The following SGCD variants were observed in gnomAD, a reference collection of about 807,000 sequenced individuals.
SGCD encodes sarcoglycan delta, also known as delta-sarcoglycan.
Under a neutral mutation model 36.6 loss-of-function variants are expected in SGCD, and 18 were observed. That is an observed-to-expected ratio of 0.49 (90% confidence interval 0.34 to 0.73). SGCD has a LOEUF of 0.73. Ranked by LOEUF, SGCD falls within the 30% of genes least tolerant of loss-of-function variation. SGCD has a pLI of 0.01. For synonymous variants in SGCD, 133 were observed against 130.6 expected (o/e 1.02, Z -0.12); for missense variants, 387 against 346.7 (o/e 1.12, Z -0.92).
chr5:156,354,059 G>T (rs1769384800), intron 3 of SGCD, among the ~76,000 whole-genome samples: 1 of 152,120 alleles, frequency 6.6e-6, no homozygotes, highest in African/African-American at 2.4e-5. Context: ...AGAAACTAAA[G>T]ATTAGAATAA....
chr5:156,186,447 C>T (rs555120395), intron 3 of SGCD, among the ~76,000 whole-genome samples: 1 of 152,104 alleles, frequency 6.6e-6, no homozygotes, highest in Non-Finnish European at 1.5e-5. Flanking sequence ...CTTCTAAAAC[C>T]ACTTTAGGAC....
chr5:156,500,691 G>C (rs542214687), intron 3 of SGCD, among the ~76,000 whole-genome samples: 4 of 152,062 alleles, frequency 2.6e-5, no homozygotes, highest in Non-Finnish European at 5.9e-5. Context: ...AACGACCAAC[G>C]TTTGCCTTTT....
the SGCD span, among the ~76,000 whole-genome samples, chr5:155,748,381 TTG>T: frequency 6.6e-6 from 1 of 152,132 alleles, no homozygotes; most frequent in South Asian, 2.1e-4. Flanking sequence ...GATCAATTCC[TTG>T]TACTCTCCTT....
At chr5:156,432,414 T>G (rs1170064953) in intron 3 of SGCD, among the ~76,000 whole-genome samples, 1 of 152,204 alleles carries the variant, frequency 6.6e-6, no homozygotes, top group African/African-American at 2.4e-5. Context: ...GAGGTGGCGT[T>G]TGCAAGACAG....
At chr5:155,736,053 GC>G in the SGCD span, among the ~76,000 whole-genome samples, 2 of 152,180 alleles carry the variant, frequency 1.3e-5, no homozygotes, top group Non-Finnish European at 2.9e-5. Context: ...CCCCTGGGAT[GC>G]TTTGGAGTAT....
At chr5:156,086,484 G>A (rs79223307) in intron 1 of SGCD, among the ~76,000 whole-genome samples, 1 of 152,090 alleles carries the variant, frequency 6.6e-6, no homozygotes, top group African/African-American at 2.4e-5. Flanking sequence ...AGCAGAAATT[G>A]GTTCTTAAGG....
At position 156,025,003 on chromosome 5, in the gene SGCD, G is replaced by A. The variant is rs137855900; in HGVS notation, c.-281-92875G>A. Among the ~76,000 whole-genome samples, 154 of 151,956 alleles carry A rather than the reference G, an allele frequency of 1.0e-3. 1 individual carries two copies. The highest frequency in any genetic ancestry group is 3.5e-3 in the African/African-American group (145 of 41,462). On this transcript the variant is annotated intron_variant, in intron 1 of 9. Transcript: ENST00000517913. ...GGCTAAAGAAAGCTGTGGCCAATAAGTTGAGGAAACATTGTATTGGGGTAG... is the reference window on the plus strand; with the variant it reads ...GGCTAAAGAAAGCTGTGGCCAATAAATTGAGGAAACATTGTATTGGGGTAG...
chr5:156,428,981 A>G (rs1324436444), intron 3 of SGCD, among the ~76,000 whole-genome samples: 1 of 152,046 alleles, frequency 6.6e-6, no homozygotes, highest in Admixed American at 6.6e-5. Flanking sequence ...AGAATATTCC[A>G]CATGCTGATG....
At chr5:156,230,606 C>T (rs1764992078) in intron 3 of SGCD, among the ~76,000 whole-genome samples, 1 of 152,088 alleles carries the variant, frequency 6.6e-6, no homozygotes, top group African/African-American at 2.4e-5. Context: ...GAGCAGTCCG[C>T]TTCCTTCAAA....
chr5:155,937,629 A>C (rs183042177), intron 1 of SGCD, among the ~76,000 whole-genome samples: 125 of 152,230 alleles, frequency 8.2e-4, no homozygotes, highest in African/African-American at 2.6e-3. Flanking sequence ...AAACTTGGGG[A>C]ATTTGGATAT....
chr5:156,332,734 G>A (rs1313666464), intron 2 of SGCD, among the ~76,000 whole-genome samples: 2 of 152,086 alleles, frequency 1.3e-5, no homozygotes, highest in Non-Finnish European at 2.9e-5. Context: ...CCACCTCATC[G>A]GATTATAGCT....
chr5:156,697,471 C>T (rs1231545590), intron 7 of SGCD, among the ~76,000 whole-genome samples: 1 of 152,164 alleles, frequency 6.6e-6, no homozygotes, highest in Non-Finnish European at 1.5e-5. Flanking sequence ...CCCCAAATCT[C>T]ATACATTTGT....
rs543252934 is a variant in SGCD at position 155,931,762 on chromosome 5, C to G, written c.-282+61338C>G. ...CCGAGTTCGGATTTGCTTTCAGCCA[C>G]TTACTATCTGTCTGTTCTTATGCAA... On this transcript the variant is annotated intron_variant, in intron 1 of 9. Coordinates refer to the SGCD transcript ENST00000517913. Among the ~76,000 whole-genome samples, 10 of 152,302 alleles carry G rather than the reference C, an allele frequency of 6.6e-5. No homozygotes were observed. The East Asian group carries it at 1.9e-3, about 29-fold the overall frequency.
chr5:156,694,550 G>C (rs1417386271), intron 7 of SGCD, among the ~76,000 whole-genome samples: 1 of 152,160 alleles, frequency 6.6e-6, no homozygotes, highest in African/African-American at 2.4e-5. Flanking sequence ...CAAGTAAGGG[G>C]AAACAAGATA....
intron 3 of SGCD, among the ~76,000 whole-genome samples, chr5:156,144,124 A>G (rs977993852): frequency 2.0e-5 from 3 of 151,714 alleles, no homozygotes; most frequent in Admixed American, 6.6e-5. Flanking sequence ...CATTTTCTTA[A>G]TCCAGTTTAT....
At chr5:156,345,555 A>G (rs1175083018) in intron 3 of SGCD, among the ~76,000 whole-genome samples, 1 of 152,120 alleles carries the variant, frequency 6.6e-6, no homozygotes, top group Non-Finnish European at 1.5e-5. Context: ...GGTCAGGCAC[A>G]TTGGCTCATG....
chr5:156,137,428 AT>A (rs1165999026), intron 3 of SGCD, among the ~76,000 whole-genome samples: 1 of 152,210 alleles, frequency 6.6e-6, no homozygotes, highest in East Asian at 1.9e-4. Context: ...TAATTTAAGT[AT>A]TTCTCATTCT....
intron 4 of SGCD, among the ~76,000 whole-genome samples, chr5:156,573,859 A>G (rs1450193186): frequency 1.3e-5 from 2 of 152,004 alleles, no homozygotes; most frequent in East Asian, 3.9e-4. Flanking sequence ...ATGCCCAGCT[A>G]ATTTTTTCTT....
intron 1 of SGCD, among the ~76,000 whole-genome samples, chr5:156,327,437 A>G (rs906442617): frequency 1.3e-5 from 2 of 152,222 alleles, no homozygotes; most frequent in Non-Finnish European, 2.9e-5. Context: ...TCAGCAGGGC[A>G]GAGAGACTTC....
Sources: allele counts gnomAD v4.1 joint callset (sites outside exome capture counted in the v4.1 genomes callset), GRCh38; gene constraint gnomAD v4.1.1; transcripts MANE v1.5; gene names NCBI Gene and HGNC (gene_info 2026-07-23, HGNC 2026-07-21).